Variants in GPC6 observed in about 807,000 individuals in gnomAD.
GPC6 encodes the protein glypican-6.
Under a neutral mutation model 55.2 loss-of-function variants are expected in GPC6, and 14 were observed. That is an observed-to-expected ratio of 0.25 (90% CI 0.17 to 0.40). The LOEUF (loss-of-function observed/expected upper bound fraction) is 0.40. Ranked by LOEUF, GPC6 falls within the 10% of genes least tolerant of loss-of-function variation. GPC6 has a pLI of 1.00. For synonymous variants in GPC6, 278 were observed against 259.6 expected, an observed-to-expected ratio of 1.07 and a Z score of -0.68; for missense variants, 641 against 708.5, an observed-to-expected ratio of 0.90 and a Z score of 1.08.
intron 2 of GPC6, among the ~76,000 whole-genome samples, chr13:93,616,202 A>C (rs955247395): frequency 1.3e-5 from 2 of 152,250 alleles, no homozygotes; most frequent in Middle Eastern, 6.8e-3. Flanking sequence ...TTAAAGAACA[A>C]ATACAGCTAA....
chr13:94,386,974 T>C (rs1880439568), intron 7 of GPC6, among the ~76,000 whole-genome samples: 1 of 152,240 alleles, frequency 6.6e-6, no homozygotes, highest in African/African-American at 2.4e-5. Flanking sequence ...GACATCAAAA[T>C]GACTCTTACA....
chr13:93,740,362 A>G (rs1884159101), intron 2 of GPC6, among the ~76,000 whole-genome samples: 1 of 152,200 alleles, frequency 6.6e-6, no homozygotes, highest in African/African-American at 2.4e-5. Context: ...TACTTTAGAA[A>G]CATTTCAAAT....
intron 2 of GPC6, among the ~76,000 whole-genome samples, chr13:93,751,811 C>T (rs947624040): frequency 6.6e-6 from 1 of 152,118 alleles, no homozygotes; most frequent in African/African-American, 2.4e-5. Flanking sequence ...CAAGGGGGAG[C>T]TCCACTATGC....
chr13:93,936,838 G>A (rs778299847), intron 3 of GPC6, among the ~76,000 whole-genome samples: 7 of 152,122 alleles, frequency 4.6e-5, no homozygotes, highest in Non-Finnish European at 1.0e-4. Flanking sequence ...TTATGCTGAC[G>A]AGACTATGCT....
At chr13:93,470,558 A>C (rs1879074036) in intron 1 of GPC6, among the ~76,000 whole-genome samples, 1 of 152,074 alleles carries the variant, frequency 6.6e-6, no homozygotes, top group Admixed American at 6.5e-5. Flanking sequence ...TGTGTGAATG[A>C]GGGATATTAG....
intron 6 of GPC6, among the ~76,000 whole-genome samples, chr13:94,313,593 C>T (rs1445067948): frequency 6.6e-6 from 1 of 152,200 alleles, no homozygotes; most frequent in African/African-American, 2.4e-5. Flanking sequence ...AAAGCCCAGT[C>T]CACATCACTG....
intron 1 of GPC6, among the ~76,000 whole-genome samples, chr13:93,529,510 C>CTTTTTT (rs1165594323): frequency 1.0e-3 from 86 of 85,166 alleles, no homozygotes; most frequent in Middle Eastern, 0.02. Flanking sequence ...CTCTGAGATT[C>CTTTTTT]TTTTTTTTTT....
intron 1 of GPC6, among the ~76,000 whole-genome samples, chr13:93,354,326 A>G (rs968256064): frequency 2.0e-5 from 3 of 150,088 alleles, no homozygotes; most frequent in African/African-American, 4.9e-5. Context: ...ACAAGTCACA[A>G]TAAGAAGTGC....
chr13:93,758,090 G>A (rs997125910), intron 2 of GPC6, among the ~76,000 whole-genome samples: 1 of 151,998 alleles, frequency 6.6e-6, no homozygotes, highest in Non-Finnish European at 1.5e-5. Flanking sequence ...ACAGGTTTGT[G>A]GATATGGAAG....
chr13:93,383,283 C>T (rs34377625), intron 1 of GPC6, among the ~76,000 whole-genome samples: 6,177 of 152,282 alleles, frequency 0.041, 172 homozygotes, highest in Non-Finnish European at 0.057. Flanking sequence ...GCAAACATGG[C>T]TCACTGCAGC....
chr13:93,295,588 C>A (rs1171376838), intron 1 of GPC6, among the ~76,000 whole-genome samples: 2 of 152,034 alleles, frequency 1.3e-5, no homozygotes, highest in African/African-American at 4.8e-5. Context: ...TCACACCATT[C>A]TCCTGCCTCA....
At chr13:94,191,269 A>T (rs1889384878) in intron 4 of GPC6, among the ~76,000 whole-genome samples, 1 of 152,340 alleles carries the variant, frequency 6.6e-6, no homozygotes, top group South Asian at 2.1e-4. Flanking sequence ...CTAGGTGAAG[A>T]TTGCCCAAGT....
At chr13:93,369,615 A>T (rs1319006771) in intron 1 of GPC6, among the ~76,000 whole-genome samples, 1 of 152,150 alleles carries the variant, frequency 6.6e-6, no homozygotes, top group Non-Finnish European at 1.5e-5. Context: ...GGTGATAATC[A>T]TGTTTGGATA....
At chr13:93,923,194 C>T (rs1877665430) in intron 3 of GPC6, among the ~76,000 whole-genome samples, 1 of 152,184 alleles carries the variant, frequency 6.6e-6, no homozygotes, top group Admixed American at 6.5e-5. Context: ...AACACAATTG[C>T]AGGCTACAGA....
intron 4 of GPC6, among the ~76,000 whole-genome samples, chr13:94,278,028 G>T (rs1056656244): frequency 6.6e-6 from 1 of 152,176 alleles, no homozygotes; most frequent in Non-Finnish European, 1.5e-5. Context: ...ACTGTGGGCA[G>T]TATGGCCATT....
At chr13:93,288,640 A>G (rs1566281351) in intron 1 of GPC6, among the ~76,000 whole-genome samples, 1 of 152,190 alleles carries the variant, frequency 6.6e-6, no homozygotes, top group Admixed American at 6.5e-5. Context: ...CAGTATTATC[A>G]CTTCGTATTA....
intron 3 of GPC6, among the ~76,000 whole-genome samples, chr13:94,009,493 A>T (rs1271959048): frequency 2.6e-5 from 4 of 152,180 alleles, no homozygotes. Flanking sequence ...CATGACATTT[A>T]GGACAGGTGA....
the GPC6 span, among the ~76,000 whole-genome samples, chr13:93,218,578 T>A: frequency 6.6e-6 from 1 of 152,190 alleles, no homozygotes; most frequent in Admixed American, 6.5e-5. Flanking sequence ...CTTTCCTCAA[T>A]GTGGAAGATG....
chr13:93,908,735 C>T (rs1876805052), intron 3 of GPC6, among the ~76,000 whole-genome samples: 1 of 152,136 alleles, frequency 6.6e-6, no homozygotes, highest in African/African-American at 2.4e-5. Flanking sequence ...GGCTTTATTC[C>T]TCCATTTCTT....
Sources: gnomAD v4.1 joint callset for allele counts (sites outside exome capture counted in the v4.1 genomes callset) on GRCh38, gnomAD v4.1.1 for gene constraint, MANE v1.5 for transcripts, NCBI Gene and HGNC (gene_info 2026-07-23, HGNC 2026-07-21) for gene names.